The following CELA3B variants were observed in gnomAD, a reference collection of about 807,000 sequenced individuals.
The protein encoded by CELA3B is chymotrypsin-like elastase family member 3B.
A neutral mutation model predicts 37.2 loss-of-function variants in CELA3B; 34 were observed. The ratio of observed to expected loss-of-function variants is 0.91; its 90% CI spans 0.70 to 1.22. The LOEUF (loss-of-function observed/expected upper bound fraction) is 1.22, where lower values mean the gene tolerates loss of function less well. CELA3B is among the 50% of genes most tolerant of loss of function. The pLI, the probability that CELA3B is intolerant of heterozygous loss-of-function variation, is 0.00. For missense variants in CELA3B, 340 were observed against 363.1 expected (o/e 0.94, Z 0.52); for synonymous variants, 127 against 143.5 (o/e 0.89, Z 0.82).
chr1:21,994,576 G>A (rs1464461783), intron 4 of CELA3B, among the ~76,000 whole-genome samples: 1 of 151,188 alleles, frequency 6.6e-6, no homozygotes, highest in East Asian at 2.0e-4. Context: ...CTTCCATCCT[G>A]AGGAGGAAGC....
chr1:21,993,398 G>A (rs1170507709), downstream of CELA3B, among the ~76,000 whole-genome samples: 1 of 148,430 alleles, frequency 6.7e-6, no homozygotes, highest in Non-Finnish European at 1.5e-5. Flanking sequence ...GGAGGCGGAG[G>A]TTGCAGTGAG....
downstream of CELA3B, among the ~76,000 whole-genome samples, chr1:21,993,409 C>T (rs1400487994): frequency 2.1e-5 from 3 of 145,998 alleles, no homozygotes; most frequent in African/African-American, 7.8e-5. Context: ...TTGCAGTGAG[C>T]TGAGATCGCA....
intron 7 of CELA3B, among the ~76,000 whole-genome samples, chr1:21,988,498 G>A (rs1644852100): frequency 1.3e-5 from 2 of 150,112 alleles, no homozygotes; most frequent in Admixed American, 6.7e-5. Context: ...GGCTGAGGTA[G>A]AAGAATTGCT....
chr1:21,983,593 G>C, intron 4 of CELA3B, 101 bp from the exon 5 acceptor site: 2 of 1,522,942 alleles, frequency 1.3e-6, no homozygotes, highest in South Asian at 1.2e-5. Flanking sequence ...GGGTGAAGGA[G>C]CTGGGGCATC....
At position 21,983,788 on chromosome 1, in the gene CELA3B, A is replaced by G; in HGVS notation, c.457A>G (p.Asn153Asp). The G allele has an allele frequency of 6.2e-7, 1 of 1,614,038 alleles. No homozygotes were observed. Among genetic ancestry groups the G allele is most frequent in the Non-Finnish European group, 8.5e-7 (1 of 1,180,004 alleles). ...SLPPAGDILP[N>D]ETPCYITGWG... ...CCCTCCGGCTGGTGACATCCTTCCC[A>G]ACGAGACACCCTGCTACATCACCGG... Residue 153 changes from asparagine to aspartate, a missense_variant, in exon 5 of 8, where the codon AAC becomes GAC. Coordinates refer to ENST00000337107, the MANE Select transcript of CELA3B (RefSeq NM_007352.4).
downstream of CELA3B, among the ~76,000 whole-genome samples, chr1:21,994,263 C>A (rs1391613110): frequency 6.6e-6 from 1 of 150,854 alleles, no homozygotes; most frequent in Non-Finnish European, 1.5e-5. Context: ...GAGAAACCTC[C>A]CTCCTATCCT....
intron 4 of CELA3B, among the ~76,000 whole-genome samples, chr1:21,996,315 C>T (rs1644889946): frequency 1.3e-5 from 2 of 151,062 alleles, no homozygotes; most frequent in South Asian, 2.1e-4. Context: ...CTCATAAAGA[C>T]CTTGCTGATA....
chr1:21,979,624 T>C (rs1644793233), intron 2 of CELA3B, among the ~76,000 whole-genome samples: 1 of 151,348 alleles, frequency 6.6e-6, no homozygotes, highest in African/African-American at 2.4e-5. Context: ...AGCTAATTTT[T>C]ATATATTGTT....
At chr1:21,982,287 A>C in intron 4 of CELA3B, among the ~76,000 whole-genome samples, 1 of 152,054 alleles carries the variant, frequency 6.6e-6, no homozygotes, top group Admixed American at 6.6e-5. Flanking sequence ...GGCTGGCAGT[A>C]TCAGCATCAC....
chr1:21,979,402 A>G (rs1174503179), intron 2 of CELA3B, among the ~76,000 whole-genome samples: 1 of 149,660 alleles, frequency 6.7e-6, no homozygotes. Context: ...AATGTTAACA[A>G]TTCAATTCCT....
At chr1:21,988,643 C>G (rs1249906209) in intron 7 of CELA3B, among the ~76,000 whole-genome samples, 3 of 147,598 alleles carry the variant, frequency 2.0e-5, no homozygotes, top group East Asian at 4.0e-4. Context: ...TGTAATCCCA[C>G]CACTTTGGGA....
At position 21,983,830 on chromosome 1, in the gene CELA3B, A is replaced by G. The variant is rs1388988491; in HGVS notation, c.499A>G (p.Thr167Ala). The change falls in exon 5 of 8, where the codon ACC becomes GCC. Residue 167 changes from threonine (T) to alanine (A), a missense_variant and splice_region_variant. Physicochemically the swap from Thr to Ala is moderately conservative, Grantham distance 58 (BLOSUM62 0). Transcript: ENST00000337107. ...CATCACCGGCTGGGGCCGTCTCTAT[A>G]GTACGTGCTGACTTCTCTAGCTGGC... ...CYITGWGRLY[T>A]NGPLPDKLQE... 6.2e-7 allele frequency: 1 copy of G among 1,613,940 alleles called. No homozygotes were observed. The highest frequency in any genetic ancestry group is 1.1e-5 in the South Asian group (1 of 91,056).
Position 21,989,137 on chromosome 1 carries a change from G to C in CELA3B, c.796-125G>C, listed in dbSNP as rs1429376125. On this transcript the variant is annotated intron_variant, in intron 7 of 7. Transcript: ENST00000337107. ...CTACTACATAGAGGAGGAAACTGAG[G>C]CTCAGAGAGGTCAATTCCTCTCCCA... 3 of 1,575,390 alleles carry C rather than the reference G, an allele frequency of 1.9e-6. No homozygotes were observed. In the African/African-American group the frequency reaches 4.1e-5, roughly 21 times the overall value.
chr1:21,995,867 T>A (rs1293561145), intron 4 of CELA3B, among the ~76,000 whole-genome samples: 2 of 148,192 alleles, frequency 1.3e-5, no homozygotes, highest in Non-Finnish European at 1.5e-5. Context: ...GGCTTGTAGA[T>A]GGCCACCTTC....
chr1:21,978,330 G>C lies in CELA3B; in HGVS notation c.44-39G>C. The C allele has an allele frequency of 2.5e-6, 4 of 1,611,986 alleles. 1 individual carries two copies. Among genetic ancestry groups the C allele is most frequent in the African/African-American group, 1.3e-5 (1 of 75,040 alleles). On this transcript the variant is annotated intron_variant, in intron 1 of 7. Coordinates refer to ENST00000337107, the MANE Select transcript of CELA3B (RefSeq NM_007352.4). ...CCCTGGCCTCCTCTTTGCTTTTGGG[G>C]ACCCTCCCGCTGATTGACAGCTCTC... is the stretch of plus-strand genomic sequence containing the variant.
intron 4 of CELA3B, among the ~76,000 whole-genome samples, chr1:21,982,027 A>G (rs143244675): frequency 1.3e-5 from 2 of 152,182 alleles, no homozygotes; most frequent in Non-Finnish European, 2.9e-5. Flanking sequence ...GCCCTGCCAT[A>G]TGAAAAATTC....
rs113446895 is a variant in CELA3B, at chr1:21,997,217, C to T, written c.505-934C>T. 1.7e-4 allele frequency among the ~76,000 whole-genome samples: 26 copies of T among 150,582 alleles called. 1 individual carries two copies. The highest frequency in any genetic ancestry group is 4.7e-4 in the African/African-American group (19 of 40,580). ...TCTACTAAAAATACAAAAAATTAGC[C>T]GGGCGTGGTGGTACATGCCTGTAAC... On this transcript the variant is annotated intron_variant, in intron 4 of 4. Transcript: ENST00000400277.
chr1:21,996,544 A>G (rs1328578426), intron 4 of CELA3B, among the ~76,000 whole-genome samples: 1 of 151,232 alleles, frequency 6.6e-6, no homozygotes, highest in African/African-American at 2.5e-5. Flanking sequence ...ACCATAAAAA[A>G]GGGCATGTCT....
rs561057310 is a variant in CELA3B at position 21,984,333 on chromosome 1, T to C, written c.642+2T>C. 7 of 1,612,234 alleles carry C rather than the reference T, an allele frequency of 4.3e-6. No individual in the cohort carries two copies. In the South Asian group the frequency reaches 7.7e-5, roughly 18 times the overall value. On this transcript the variant is annotated splice_donor_variant, in intron 6 of 7. Coordinates refer to ENST00000337107, the MANE Select transcript of CELA3B (RefSeq NM_007352.4). LOFTEE classifies it high-confidence loss of function. The stretch of plus-strand genomic sequence containing the variant: ...GGGGACATCCGCTCCGGCTGCAATG[T>C]GAGTCAGCTCTTACCTGCCCGAGGT...
Sources: gnomAD v4.1 joint callset for allele counts (sites outside exome capture counted in the v4.1 genomes callset) on GRCh38, gnomAD v4.1.1 for gene constraint, MANE v1.5 for transcripts, NCBI Gene and HGNC (gene_info 2026-07-23, HGNC 2026-07-21) for gene names.